Variants in EHMT1 observed in about 807,000 individuals in gnomAD.
EHMT1 encodes the protein euchromatic histone lysine methyltransferase 1, also known as histone-lysine N-methyltransferase EHMT1.
In EHMT1, 15 loss-of-function variants were observed where a neutral mutation model predicts 147.2. The observed-to-expected ratio is 0.10, with a 90% CI of 0.07 to 0.16. EHMT1 has a LOEUF of 0.16. EHMT1 is among the 10% of genes least tolerant of loss of function. The pLI is 1.00. For synonymous variants in EHMT1, 795 were observed against 709.6 expected, an observed-to-expected ratio of 1.12 and a Z score of -1.91; for missense variants, 1,587 against 1,772.4, an observed-to-expected ratio of 0.90 and a Z score of 1.88.
At chr9:137,639,243 C>T (rs1025218144) in intron 1 of EHMT1, among the ~76,000 whole-genome samples, 12 of 151,702 alleles carry the variant, frequency 7.9e-5, no homozygotes, top group African/African-American at 2.2e-4. Context: ...AAAAAAATCC[C>T]GTATTATATT....
rs565881667 is a variant in EHMT1 at position 137,729,599 on chromosome 9, A to T, written c.823+1070A>T. Among the ~76,000 whole-genome samples the T allele has an allele frequency of 3.1e-3, 473 of 151,166 alleles. 3 individuals carry two copies. The highest frequency in any genetic ancestry group is 8.0e-3 in the African/African-American group (330 of 41,140). ...AAGACTCCATCTCAAAAAAAAAAAAATTTTTTTTAATTTAAGTATTTTCAG... is the reference window on the plus strand; with the variant it reads ...AAGACTCCATCTCAAAAAAAAAAAATTTTTTTTTAATTTAAGTATTTTCAG... On this transcript the variant is annotated intron_variant, in intron 4 of 26. Coordinates refer to ENST00000460843, the MANE Select transcript of EHMT1 (RefSeq NM_024757.5).
At chr9:137,619,279 C>T (rs1228294958) in intron 1 of EHMT1, among the ~76,000 whole-genome samples, 1 of 145,580 alleles carries the variant, frequency 6.9e-6, no homozygotes, top group Non-Finnish European at 1.5e-5. Context: ...GCGGCGCGGG[C>T]CGGGCGGCGG....
chr9:137,751,165 T>C (rs1460012811), intron 6 of EHMT1, among the ~76,000 whole-genome samples: 1 of 152,114 alleles, frequency 6.6e-6, no homozygotes, highest in Non-Finnish European at 1.5e-5. Context: ...GAACTATGGG[T>C]AAAAATATTG....
chr9:137,798,938 C>A, intron 17 of EHMT1, 24 bp downstream of exon 17: 3 of 1,574,724 alleles, frequency 1.9e-6, no homozygotes, highest in Non-Finnish European at 2.6e-6. Flanking sequence ...CTCCCCTTAG[C>A]AGTACACTGT....
chr9:137,665,051 G>A (rs1182496721), intron 1 of EHMT1: 5 of 152,178 alleles, frequency 3.3e-5, no homozygotes, highest in Admixed American at 6.5e-5. Context: ...ACTAGAAAGC[G>A]TGGGGGAGTT....
rs147740052 is a variant in EHMT1, at chr9:137,801,445, C to T, written c.2712+461C>T. Among the ~76,000 whole-genome samples the T allele has an allele frequency of 4.7e-4, 72 of 152,126 alleles. 1 individual carries two copies. In the East Asian group the frequency reaches 0.013, roughly 27 times the overall value. On this transcript the variant is annotated intron_variant, in intron 18 of 26. Coordinates refer to ENST00000460843, the MANE Select transcript of EHMT1 (RefSeq NM_024757.5). ...CAAGTGATTCTCATGCCTCCGCCTC[C>T]CCAGTAGCTGGGATTACAGGTGTGT...
At chr9:137,633,769 C>G (rs1843780862) in intron 1 of EHMT1, among the ~76,000 whole-genome samples, 1 of 151,874 alleles carries the variant, frequency 6.6e-6, no homozygotes. Flanking sequence ...CGACACTGCT[C>G]TACTTTTTTG....
In EHMT1 at chr9:137,731,128, G is replaced by T. The variant is rs1947073386; in HGVS notation, c.823+2599G>T. Among the ~76,000 whole-genome samples the T allele has an allele frequency of 6.6e-6, 1 of 152,164 alleles. No individual in the cohort carries two copies. Among genetic ancestry groups the T allele is most frequent in the Admixed American group, 6.5e-5 (1 of 15,274 alleles). On this transcript the variant is annotated intron_variant, in intron 4 of 26. Transcript: ENST00000460843. This position sits in a 1 kb window ranked among gnomAD's most constrained non-coding sequence, Gnocchi z 4.3. ...TACCCAGCGTGTTTAGCAGGCTCCAGTTTACCCTTCCACAGCCCCCTTCCT... is the reference window on the plus strand; with the variant it reads ...TACCCAGCGTGTTTAGCAGGCTCCATTTTACCCTTCCACAGCCCCCTTCCT...
chr9:137,727,478 A>G (rs976015592), intron 3 of EHMT1, among the ~76,000 whole-genome samples: 1 of 152,174 alleles, frequency 6.6e-6, no homozygotes, highest in Non-Finnish European at 1.5e-5. Flanking sequence ...TATGGTTTAG[A>G]AAAGGGTCCA....
intron 1 of EHMT1, among the ~76,000 whole-genome samples, chr9:137,655,309 G>A (rs1212546256): frequency 3.9e-5 from 6 of 152,092 alleles, no homozygotes; most frequent in Admixed American, 3.3e-4. Context: ...GAGCCACTGC[G>A]CCTGGCCGTT....
At chr9:137,790,601 T>G (rs1952451975) in intron 15 of EHMT1, among the ~76,000 whole-genome samples, 1 of 152,230 alleles carries the variant, frequency 6.6e-6, no homozygotes, top group African/African-American at 2.4e-5. Flanking sequence ...TCCTGAGCTA[T>G]AAACATTTAC....
intron 1 of EHMT1, among the ~76,000 whole-genome samples, chr9:137,649,050 G>C (rs1250859796): frequency 1.3e-5 from 2 of 152,192 alleles, no homozygotes; most frequent in African/African-American, 4.8e-5. Flanking sequence ...TGGGGAAACT[G>C]GGCATCAGTG....
intron 16 of EHMT1, chr9:137,792,200 C>A: frequency 2.3e-6 from 1 of 435,638 alleles, no homozygotes; most frequent in Non-Finnish European, 4.7e-6. Context: ...CAGTGTGGGA[C>A]TGGCATAAAG....
chr9:137,685,949 A>AGTCT (rs71387856), intron 1 of EHMT1, among the ~76,000 whole-genome samples: 2 of 70,534 alleles, frequency 2.8e-5, no homozygotes, highest in African/African-American at 1.0e-4. Context: ...TCATTTATTT[A>AGTCT]GTCAGTCAGT....
At chr9:137,649,840 G>T (rs1362983353) in intron 1 of EHMT1, among the ~76,000 whole-genome samples, 2 of 152,166 alleles carry the variant, frequency 1.3e-5, no homozygotes, top group Non-Finnish European at 2.9e-5. Flanking sequence ...ACTGCGAAAA[G>T]ATAAAAATAA....
intron 4 of EHMT1, among the ~76,000 whole-genome samples, chr9:137,739,054 G>A (rs1286539737): frequency 6.6e-6 from 1 of 150,952 alleles, no homozygotes; most frequent in Non-Finnish European, 1.5e-5. Flanking sequence ...TAAATTTTGT[G>A]GTGTGTGTAT....
chr9:137,722,214 G>A (rs1946129262), intron 3 of EHMT1, among the ~76,000 whole-genome samples: 1 of 152,020 alleles, frequency 6.6e-6, no homozygotes, highest in South Asian at 2.1e-4. Context: ...TTATTCGTGA[G>A]GATCTTTTAT....
At chr9:137,772,501 A>C (rs879908144) in intron 10 of EHMT1, among the ~76,000 whole-genome samples, 3 of 152,146 alleles carry the variant, frequency 2.0e-5, no homozygotes, top group Non-Finnish European at 4.4e-5. Context: ...ACCTCGTCTG[A>C]GGCTCCGCCT....
Position 137,630,911 on chromosome 9 carries a change from A to C in EHMT1, c.21+11862A>C, listed in dbSNP as rs141285191. Among the ~76,000 whole-genome samples, 735 of 152,248 alleles carry C rather than the reference A, an allele frequency of 4.8e-3. 9 individuals carry two copies. Among genetic ancestry groups the C allele is most frequent in the African/African-American group, 0.017 (708 of 41,540 alleles). ...AGTTGGGAAGTTTCATAACCACTGT[A>C]GACAGTCCTTGAAGATTTTAGGCAT... On this transcript the variant is annotated intron_variant, in intron 1 of 26. Coordinates refer to ENST00000460843, the MANE Select transcript of EHMT1 (RefSeq NM_024757.5).
Sources: allele counts gnomAD v4.1 joint callset (sites outside exome capture counted in the v4.1 genomes callset), GRCh38; gene constraint gnomAD v4.1.1; non-coding constraint Gnocchi (gnomAD v3.1); transcripts MANE v1.5; gene names NCBI Gene and HGNC (gene_info 2026-07-23, HGNC 2026-07-21).